The following CLSTN3 variants were observed in gnomAD, a reference collection of about 807,000 sequenced individuals.
The protein encoded by CLSTN3 is calsyntenin-3.
In CLSTN3, 36 loss-of-function variants were observed where a neutral mutation model predicts 95.9. That is an observed-to-expected ratio of 0.38 (90% confidence interval 0.29 to 0.50). The LOEUF is 0.50. Ranked by LOEUF, CLSTN3 falls within the 20% of genes least tolerant of loss-of-function variation. The pLI, the probability that CLSTN3 is intolerant of heterozygous loss-of-function variation, is 0.95. For missense variants in CLSTN3, 1,084 were observed against 1,268.8 expected (o/e 0.85, Z 2.21); for synonymous variants, 481 against 504.0 (o/e 0.95, Z 0.61).
chr12:7,129,823 G>A (rs1939243960), upstream of CLSTN3: 1 of 985,756 alleles, frequency 1.0e-6, no homozygotes, highest in South Asian at 4.7e-5. The surrounding 1 kb of genome is among the most constrained non-coding windows in gnomAD (Gnocchi z 5.5). Flanking sequence ...GGCCGGTCCC[G>A]ACAGGTGCGT....
Position 7,133,106 on chromosome 12 carries a change from A to G in CLSTN3, c.147A>G (p.Pro49=), listed in dbSNP as rs748791652. The part of the protein sequence containing the change: ...ENDNTVLLNP[P]LFALDKDAPL... ...ACAACACGGTCCTACTGAATCCACC[A>G]CTCTTTGCCTTGGACAAGGATGCCC... The change falls in exon 2 of 18, where the codon CCA becomes CCG. Residue 49 remains proline, a synonymous_variant. Transcript: ENST00000266546. The surrounding 1 kb of genome is among the most constrained non-coding windows in gnomAD (Gnocchi z 4.7). 1.2e-6 allele frequency: 2 copies of G among 1,613,346 alleles called. No homozygotes were observed. Among genetic ancestry groups the G allele is most frequent in the Non-Finnish European group, 1.7e-6 (2 of 1,179,890 alleles).
rs566082342 is a variant in CLSTN3 at position 7,133,109 on chromosome 12, C to T, written c.150C>T (p.Leu50=). 5 of 1,614,008 alleles carry T rather than the reference C, an allele frequency of 3.1e-6. No homozygotes were observed. Among genetic ancestry groups the T allele is most frequent in the Admixed American group, 3.3e-5 (2 of 60,008 alleles). Residue 50 remains leucine (L), a synonymous_variant, in exon 2 of 18, where the codon CTC becomes CTT. Coordinates refer to ENST00000266546, the MANE Select transcript of CLSTN3 (RefSeq NM_014718.4). This position sits in a 1 kb window ranked among gnomAD's most constrained non-coding sequence, Gnocchi z 4.7. Reference sequence around the variant, plus strand: ...ACACGGTCCTACTGAATCCACCACTCTTTGCCTTGGACAAGGATGCCCCGC... The same window carrying T: ...ACACGGTCCTACTGAATCCACCACTTTTTGCCTTGGACAAGGATGCCCCGC... ...NDNTVLLNPP[L]FALDKDAPLR...
intron 3 of CLSTN3, among the ~76,000 whole-genome samples, chr12:7,134,797 A>G (rs1266949482): frequency 6.6e-6 from 1 of 152,036 alleles, no homozygotes; most frequent in Admixed American, 6.5e-5. Flanking sequence ...TGGCACCCTG[A>G]CCCATAGCAT....
Position 7,141,237 on chromosome 12 carries a change from C to T in CLSTN3, c.1324-5C>T, listed in dbSNP as rs1192541976. 3.1e-6 allele frequency: 5 copies of T among 1,613,494 alleles called. No homozygotes were observed. Among genetic ancestry groups the T allele is most frequent in the South Asian group, 1.1e-5 (1 of 91,056 alleles). On this transcript the variant is annotated splice_region_variant and splice_polypyrimidine_tract_variant and intron_variant, in intron 8 of 17. Transcript: ENST00000266546. The surrounding 1 kb of genome is among the most constrained non-coding windows in gnomAD (Gnocchi z 4.1). ...GAGGCTCTTGCCCCTACCCTACTCT[C>T]CCAGGTCTGTGATGATGAGTGGCAC...
At chr12:7,132,315 G>C (rs921249364) in intron 1 of CLSTN3, 1 of 236,804 alleles carries the variant, frequency 4.2e-6, no homozygotes, top group East Asian at 1.2e-4. Context: ...AAGCAGGGAC[G>C]GGATTTGTCA....
In CLSTN3 at chr12:7,130,559, C is replaced by A. The variant is rs1939276579; in HGVS notation, c.-90C>A. 3 of 1,547,910 alleles carry A rather than the reference C, an allele frequency of 1.9e-6. No individual in the cohort carries two copies. The highest frequency in any genetic ancestry group is 2.0e-5 in the Admixed American group (1 of 51,002). ...CTGCTGTACCCCGCTCCTTGGAGAC[C>A]CCCTGTATCCCTCCCGCAAGGTGGA... is the stretch of plus-strand genomic sequence containing the variant. On this transcript the variant is annotated 5_prime_UTR_variant, in exon 1 of 18. Coordinates refer to ENST00000266546, the MANE Select transcript of CLSTN3 (RefSeq NM_014718.4).
chr12:7,156,294 G>T (rs752130898), intron 16 of CLSTN3: 1 of 457,050 alleles, frequency 2.2e-6, no homozygotes. Flanking sequence ...CTGTCCCTGG[G>T]GCTGCGGGCT....
chr12:7,131,606 A>C (rs1318108837), intron 1 of CLSTN3, among the ~76,000 whole-genome samples: 1 of 152,116 alleles, frequency 6.6e-6, no homozygotes, highest in Non-Finnish European at 1.5e-5. Flanking sequence ...CAGAGACCGC[A>C]GGGGGCCAGG....
Position 7,130,688 on chromosome 12 carries a change from C to T in CLSTN3, c.40C>T (p.Leu14Phe). 1 of 1,573,964 alleles carries T rather than the reference C, an allele frequency of 6.4e-7. No homozygotes were observed. The highest frequency in any genetic ancestry group is 1.2e-5 in the South Asian group (1 of 86,252). ...GCTGCCCCTTCTGCTGGCCTCTCTGCTCGCGTCCTGCTCCTGTAACAAAGG... is the reference window on the plus strand; with the variant it reads ...GCTGCCCCTTCTGCTGGCCTCTCTGTTCGCGTCCTGCTCCTGTAACAAAGG... ...LLLPLLLASL[L>F]ASCSCNKANK... Residue 14 changes from leucine to phenylalanine, a missense_variant, in exon 1 of 18, where the codon CTC (leucine) becomes TTC (phenylalanine). Coordinates refer to ENST00000266546, the MANE Select transcript of CLSTN3 (RefSeq NM_014718.4).
chr12:7,142,888 C>T lies in CLSTN3; in HGVS notation c.1560C>T (p.His520=). ...CCCTAGGAGACCCTTTGTCGATCCA[C>T]CACTACTTCCATGGCTACCTGGCTG... ...DTTQGDPLSI[H]HYFHGYLAGF... The change falls in exon 11 of 18, where the codon CAC becomes CAT. Residue 520 remains histidine, a synonymous_variant. Transcript: ENST00000266546. 6.2e-7 allele frequency: 1 copy of T among 1,614,178 alleles called. No individual in the cohort carries two copies. The highest frequency in any genetic ancestry group is 8.5e-7 in the Non-Finnish European group (1 of 1,180,016).
chr12:7,142,937 C>T lies in CLSTN3; in HGVS notation c.1609C>T (p.Leu537=). The T allele has an allele frequency of 6.2e-7, 1 of 1,614,186 alleles. No individual in the cohort carries two copies. The highest frequency in any genetic ancestry group is 8.5e-7 in the Non-Finnish European group (1 of 1,180,014). Reference sequence around the variant, plus strand: ...TGGTTTCAGCGTGCGCTCAGGTCGCCTGGAGAGCCGCGAGGTCATCGAGTG... The same window carrying T: ...TGGTTTCAGCGTGCGCTCAGGTCGCTTGGAGAGCCGCGAGGTCATCGAGTG... ...LAGFSVRSGR[L]ESREVIECLY... is the part of the protein sequence containing the mutation. The change falls in exon 11 of 18, where the codon CTG becomes TTG. Residue 537 remains leucine, a synonymous_variant. Transcript: ENST00000266546.
At position 7,130,437 on chromosome 12, in the gene CLSTN3, G is replaced by A; in HGVS notation, c.-212G>A. On this transcript the variant is annotated 5_prime_UTR_variant, in exon 1 of 18. Transcript: ENST00000266546. ...GACGCTGGGCTGGGGGAAACGGGAA[G>A]CCGCTGCAAGTCCACCGCCTCAGCT... 6.9e-7 allele frequency: 1 copy of A among 1,457,644 alleles called. No individual in the cohort carries two copies. Among genetic ancestry groups the A allele is most frequent in the Non-Finnish European group, 9.0e-7 (1 of 1,106,706 alleles). The allele number at this position is 1,457,644 out of a possible 1,614,324, so 90.3% of individuals were successfully genotyped here. A position where few individuals can be genotyped will look rare whatever the true frequency, so the allele number is the denominator to read the frequency against.
upstream of CLSTN3, chr12:7,129,888 G>A: frequency 2.8e-5 from 25 of 877,392 alleles, no homozygotes; most frequent in Non-Finnish European, 3.4e-5. The surrounding 1 kb of genome is among the most constrained non-coding windows in gnomAD (Gnocchi z 5.5). Context: ...CCTCGATACC[G>A]CCCTGCGGAC....
chr12:7,148,891 G>T, intron 12 of CLSTN3, 81 bp from the exon 13 acceptor site: 1 of 1,157,394 alleles, frequency 8.6e-7, no homozygotes, highest in South Asian at 1.4e-5. Flanking sequence ...GAGGTAGCTG[G>T]GGCGGGGAGT....
chr12:7,150,918 C>T lies in CLSTN3; in HGVS notation c.2392-10C>T, dbSNP rs1461606295. 6.3e-7 allele frequency: 1 copy of T among 1,577,528 alleles called. No homozygotes were observed. The highest frequency in any genetic ancestry group is 1.3e-5 in the African/African-American group (1 of 74,186). On this transcript the variant is annotated splice_polypyrimidine_tract_variant and intron_variant, in intron 15 of 17. Coordinates refer to ENST00000266546, the MANE Select transcript of CLSTN3 (RefSeq NM_014718.4). This position sits in a 1 kb window ranked among gnomAD's most constrained non-coding sequence, Gnocchi z 4.0. The stretch of plus-strand genomic sequence containing the variant: ...AGCGTGTGTGCCCATGGAGCCCTCC[C>T]TCTGCCCAGGTCAATGTCCTGCACA...
chr12:7,143,385 C>A, intron 12 of CLSTN3, 74 bp downstream of exon 12: 1 of 1,513,636 alleles, frequency 6.6e-7, no homozygotes, highest in Non-Finnish European at 8.9e-7. Flanking sequence ...CCTAAGGCGT[C>A]ACCTAGAGCT....
At position 7,133,670 on chromosome 12, in the gene CLSTN3, G is replaced by A; in HGVS notation, c.285G>A (p.Glu95=). ...GAGAGGGGCTGATCCGGGCCAAGGA[G>A]CCTGTGGACTGCGAGGCCCAGAAGG... ...ATGEGLIRAK[E]PVDCEAQKEH... is the part of the protein sequence containing the mutation. The change falls in exon 3 of 18, where the codon GAG becomes GAA. Residue 95 remains glutamate (E), a synonymous_variant. Transcript: ENST00000266546. This position sits in a 1 kb window ranked among gnomAD's most constrained non-coding sequence, Gnocchi z 4.7. 2 of 1,614,144 alleles carry A rather than the reference G, an allele frequency of 1.2e-6. No individual in the cohort carries two copies. Among genetic ancestry groups the A allele is most frequent in the East Asian group, 4.5e-5 (2 of 44,878 alleles).
chr12:7,129,891 C>T, upstream of CLSTN3: 1 of 825,580 alleles, frequency 1.2e-6, no homozygotes, highest in Non-Finnish European at 1.5e-6. The surrounding 1 kb of genome is among the most constrained non-coding windows in gnomAD (Gnocchi z 5.5). Context: ...CGATACCGCC[C>T]TGCGGACCGC....
At chr12:7,142,843 G>A (rs755271774) in intron 10 of CLSTN3, 26 bp from the exon 11 acceptor site, 15 of 1,601,404 alleles carry the variant, frequency 9.4e-6, no homozygotes, top group South Asian at 3.3e-5. Context: ...CTCACCTCCC[G>A]TCCTGCTCCT....
Sources: gnomAD v4.1 joint callset for allele counts (sites outside exome capture counted in the v4.1 genomes callset) on GRCh38, gnomAD v4.1.1 for gene constraint, Gnocchi (gnomAD v3.1) non-coding constraint, MANE v1.5 for transcripts, NCBI Gene and HGNC (gene_info 2026-07-23, HGNC 2026-07-21) for gene names.